The following C2orf76 variants were observed in gnomAD, a reference collection of about 807,000 sequenced individuals.
The protein encoded by C2orf76 is chromosome 2 open reading frame 76, also known as UPF0538 protein C2orf76.
C2orf76 carries 23 observed loss-of-function variants against 16.9 expected under a neutral mutation model. The observed-to-expected ratio is 1.36, with a 90% confidence interval of 0.98 to 1.93. The LOEUF is 1.93. C2orf76 is among the 30% of genes most tolerant of loss of function. The pLI is 0.00. For missense variants in C2orf76, 152 were observed against 152.6 expected (o/e 1.00, Z 0.02); for synonymous variants, 48 against 52.3 (o/e 0.92, Z 0.35).
chr2:119,365,566 G>A (rs1680921931), intron 1 of C2orf76, among the ~76,000 whole-genome samples: 1 of 152,190 alleles, frequency 6.6e-6, no homozygotes, highest in African/African-American at 2.4e-5. Context: ...TGGGGAGGGG[G>A]AAGGTGTAGG....
At chr2:119,336,203 T>C (rs1348496490) in intron 2 of C2orf76, among the ~76,000 whole-genome samples, 1 of 151,854 alleles carries the variant, frequency 6.6e-6, no homozygotes, top group Admixed American at 6.6e-5. Flanking sequence ...GAGACCAGCC[T>C]ACCAACATGG....
At chr2:119,354,477 C>T (rs1680503900) in intron 1 of C2orf76, among the ~76,000 whole-genome samples, 3 of 152,192 alleles carry the variant, frequency 2.0e-5, no homozygotes, top group Admixed American at 2.0e-4. Context: ...GAGACAGGAT[C>T]GCACCACTGC....
intron 5 of C2orf76, among the ~76,000 whole-genome samples, chr2:119,310,969 T>C (rs1678966313): frequency 6.6e-6 from 1 of 152,238 alleles, no homozygotes; most frequent in African/African-American, 2.4e-5. Flanking sequence ...GCACACTGCC[T>C]TTAACCACTC....
the C2orf76 span, among the ~76,000 whole-genome samples, chr2:119,293,055 A>C: frequency 6.6e-6 from 1 of 152,168 alleles, no homozygotes; most frequent in African/African-American, 2.4e-5. Flanking sequence ...AAAACAAAAC[A>C]AACAAACGAA....
At chr2:119,327,336 ATTTTT>A (rs34185420) in intron 2 of C2orf76, among the ~76,000 whole-genome samples, 24 of 68,678 alleles carry the variant, frequency 3.5e-4, no homozygotes, top group African/African-American at 1.4e-3. Context: ...AATTACATGG[ATTTTT>A]TTTTTTTTTT....
At chr2:119,366,320 C>CCCTGCCTTT (rs1680986709) in intron 1 of C2orf76, 1 of 416,836 alleles carries the variant, frequency 2.4e-6, no homozygotes, top group African/African-American at 2.1e-5. Flanking sequence ...TTTGTTAAAT[C>CCCTGCCTTT]AAGACAAATA....
the C2orf76 span, among the ~76,000 whole-genome samples, chr2:119,288,532 G>T: frequency 6.6e-6 from 1 of 152,030 alleles, no homozygotes; most frequent in African/African-American, 2.4e-5. Flanking sequence ...ACCCCATTAA[G>T]ATGGGAGTAA....
At chr2:119,322,384 T>C (rs1679372875) in intron 2 of C2orf76, among the ~76,000 whole-genome samples, 1 of 152,068 alleles carries the variant, frequency 6.6e-6, no homozygotes, top group Non-Finnish European at 1.5e-5. Flanking sequence ...TTTTTGTATT[T>C]TTTTGTGGAG....
At chr2:119,364,758 C>A (rs938966148) in intron 1 of C2orf76, among the ~76,000 whole-genome samples, 11 of 152,100 alleles carry the variant, frequency 7.2e-5, no homozygotes, top group African/African-American at 2.4e-4. Context: ...AGCTGAGGAT[C>A]TTGCATTCTC....
intron 5 of C2orf76, 29 bp downstream of exon 5, chr2:119,311,593 C>G: frequency 1.4e-5 from 22 of 1,606,416 alleles, no homozygotes; most frequent in Non-Finnish European, 1.8e-5. Context: ...AGAGGTCCCC[C>G]TCCAGCAACA....
In C2orf76 at chr2:119,317,489, TA is replaced by T; in HGVS notation, c.198del (p.Ile67PhefsTer14). The T allele has an allele frequency of 6.2e-7, 1 of 1,605,096 alleles. No individual in the cohort carries two copies. Among genetic ancestry groups the T allele is most frequent in the Non-Finnish European group, 8.5e-7 (1 of 1,174,422 alleles). On this transcript the variant is annotated frameshift_variant, in exon 4 of 6. Coordinates refer to ENST00000334816, the MANE Select transcript of C2orf76 (RefSeq NM_001322331.2). LOFTEE classifies it high-confidence loss of function. ...FRNYKYDALK[I>X]IHQAHKSKTN... is the part of the protein sequence containing the mutation. Reference sequence around the variant, plus strand: ...ACCTTTGATTTATGTGCTTGATGAATAATCTTTAGTGCATCTGAAAGAAAAA... The same window carrying T: ...ACCTTTGATTTATGTGCTTGATGAATATCTTTAGTGCATCTGAAAGAAAAA...
intron 2 of C2orf76, among the ~76,000 whole-genome samples, chr2:119,326,649 G>C (rs918217717): frequency 3.9e-5 from 6 of 152,070 alleles, no homozygotes; most frequent in Non-Finnish European, 8.8e-5. Flanking sequence ...CAATACCACA[G>C]TTTGAGGACA....
At chr2:119,343,595 T>A (rs1219584471) in intron 1 of C2orf76, among the ~76,000 whole-genome samples, 1 of 152,146 alleles carries the variant, frequency 6.6e-6, no homozygotes, top group Non-Finnish European at 1.5e-5. Flanking sequence ...ACTCTGCTTC[T>A]TAGCTGCAAC....
At chr2:119,325,130 G>A (rs976201218) in intron 2 of C2orf76, among the ~76,000 whole-genome samples, 1 of 151,914 alleles carries the variant, frequency 6.6e-6, no homozygotes, top group Non-Finnish European at 1.5e-5. Context: ...AAGTCCGGGA[G>A]TTCAAGACCA....
chr2:119,348,814 T>C (rs558386691), intron 1 of C2orf76, among the ~76,000 whole-genome samples: 3 of 152,270 alleles, frequency 2.0e-5, no homozygotes, highest in African/African-American at 4.8e-5. Context: ...CTGGGCAACA[T>C]GGTGAAACCC....
At chr2:119,308,468 G>A (rs538751717) in intron 5 of C2orf76, among the ~76,000 whole-genome samples, 2 of 148,196 alleles carry the variant, frequency 1.3e-5, no homozygotes, top group South Asian at 4.2e-4. Flanking sequence ...GGCAAAACCC[G>A]GTCTCTACTA....
intron 1 of C2orf76, among the ~76,000 whole-genome samples, chr2:119,347,928 T>G (rs1680255597): frequency 6.6e-6 from 1 of 151,340 alleles, no homozygotes; most frequent in African/African-American, 2.4e-5. Context: ...TAATCCTAGC[T>G]ACTTGGGAGG....
Position 119,310,035 on chromosome 2 carries a change from T to C in C2orf76, c.304+1587A>G, listed in dbSNP as rs1475505369. ...TTTATTTTCCTGAATGCTTTGGCAA[T>C]GGGCTTGACATAATTTTCTGGCTAA... is the stretch of plus-strand genomic sequence containing the variant. On this transcript the variant is annotated intron_variant, in intron 5 of 5. Transcript: ENST00000334816. Among the ~76,000 whole-genome samples the C allele has an allele frequency of 5.3e-5, 8 of 152,362 alleles. No homozygotes were observed. In the East Asian group the frequency reaches 1.2e-3, roughly 22 times the overall value.
At chr2:119,352,064 G>A (rs1050267463) in intron 1 of C2orf76, among the ~76,000 whole-genome samples, 7 of 152,116 alleles carry the variant, frequency 4.6e-5, no homozygotes, top group Non-Finnish European at 1.0e-4. Context: ...AAGCTTTAAG[G>A]GTAGGAAAAG....
Sources: allele counts gnomAD v4.1 joint callset (sites outside exome capture counted in the v4.1 genomes callset), GRCh38; gene constraint gnomAD v4.1.1; transcripts MANE v1.5; gene names NCBI Gene and HGNC (gene_info 2026-07-23, HGNC 2026-07-21).